The following COL18A1 variants were observed in gnomAD, a reference collection of about 807,000 sequenced individuals.
The protein encoded by COL18A1 is collagen type XVIII alpha 1 chain.
In COL18A1, 133 loss-of-function variants were observed where a neutral mutation model predicts 168.0. That is an observed-to-expected ratio of 0.79 (90% CI 0.69 to 0.91). The LOEUF is 0.91. Ranked by LOEUF, COL18A1 falls within the 40% of genes least tolerant of loss-of-function variation. The pLI, the probability that COL18A1 is intolerant of heterozygous loss-of-function variation, is 0.00. For synonymous variants in COL18A1, 949 were observed against 809.0 expected (o/e 1.17, Z -2.94); for missense variants, 2,126 against 1,925.4 (o/e 1.10, Z -1.95).
chr21:45,439,683 G>C (rs538467216), intron 2 of COL18A1, among the ~76,000 whole-genome samples: 1 of 152,354 alleles, frequency 6.6e-6, no homozygotes, highest in Admixed American at 6.5e-5. Context: ...TTCAGAGCGT[G>C]TTTTGCCCGG....
chr21:45,493,681 C>G, intron 26 of COL18A1, 106 bp downstream of exon 26: 1 of 854,818 alleles, frequency 1.2e-6, no homozygotes, highest in Non-Finnish European at 1.9e-6. Flanking sequence ...GCACGAGCCT[C>G]TCCCAAGCAG....
intron 24 of COL18A1, 87 bp from the exon 25 acceptor site, chr21:45,493,076 G>A: frequency 1.5e-6 from 2 of 1,344,100 alleles, no homozygotes; most frequent in Non-Finnish European, 2.1e-6. Context: ...CATATTGCGG[G>A]GGGCAGCTGT....
chr21:45,510,507 CCT>C (rs1333174400), intron 40 of COL18A1, among the ~76,000 whole-genome samples: 8 of 152,154 alleles, frequency 5.3e-5, no homozygotes, highest in East Asian at 1.9e-4. Flanking sequence ...CCCGTGGCCC[CCT>C]GACCCCCCGC....
In COL18A1 at chr21:45,505,956, G is replaced by A. The variant is rs532685502; in HGVS notation, c.3206G>A (p.Arg1069Gln). Residue 1069 changes from arginine to glutamine, a missense_variant, in exon 37 of 42, where the codon CGG becomes CAG. Transcript: ENST00000651438. ...ELYVRVQNGF[R>Q]KVQLEARTPL... ...TACGTCCGCGTGCAGAACGGGTTCCGGAAGGTCCAGGTGAGCGCTCTGTGT... is the reference window on the plus strand; with the variant it reads ...TACGTCCGCGTGCAGAACGGGTTCCAGAAGGTCCAGGTGAGCGCTCTGTGT... The A allele has an allele frequency of 6.2e-5, 100 of 1,613,138 alleles. No individual in the cohort carries two copies. The highest frequency in any genetic ancestry group is 3.3e-4 in the African/African-American group (25 of 75,052).
At position 45,423,641 on chromosome 21, in the gene COL18A1, TTGAG is replaced by T. The variant is rs1569280070; in HGVS notation, c.106+18172_106+18175del. ...TGCGGAACCAAGGGGCTCATGGCCA[TTGAG>T]TGACTCCAGTTAATGCTGAATTAGG... On this transcript the variant is annotated intron_variant, in intron 2 of 41. Coordinates refer to ENST00000651438, the MANE Select transcript of COL18A1 (RefSeq NM_001379500.1). This position sits in a 1 kb window ranked among gnomAD's most constrained non-coding sequence, Gnocchi z 4.0. 1 of 151,174 alleles carries T rather than the reference TTGAG, an allele frequency of 6.6e-6. No homozygotes were observed. Among genetic ancestry groups the T allele is most frequent in the Non-Finnish European group, 1.5e-5 (1 of 67,836 alleles). 9.4% of individuals were successfully genotyped at this position (151,174 alleles called of 1,614,324 possible). A position where few individuals can be genotyped will look rare whatever the true frequency, so the allele number is the denominator to read the frequency against.
intron 2 of COL18A1, among the ~76,000 whole-genome samples, chr21:45,419,269 G>T (rs959668821): frequency 1.4e-4 from 21 of 151,912 alleles, no homozygotes; most frequent in African/African-American, 4.8e-4. Flanking sequence ...GCAGTTCCGT[G>T]TAGTGACGTG....
chr21:45,455,632 T>A (rs2034773285), intron 2 of COL18A1: 2 of 1,613,964 alleles, frequency 1.2e-6, no homozygotes, highest in African/African-American at 2.7e-5. Flanking sequence ...TTTGGTTCAA[T>A]AATGAGGACA....
chr21:45,511,526 T>C (rs1440709358), intron 41 of COL18A1, among the ~76,000 whole-genome samples: 1 of 152,026 alleles, frequency 6.6e-6, no homozygotes, highest in Admixed American at 6.5e-5. Context: ...TGGTCAGCCA[T>C]GTAAGCAGCG....
chr21:45,507,473 G>A, intron 37 of COL18A1, 88 bp from the exon 38 acceptor site: 3 of 415,818 alleles, frequency 7.2e-6, no homozygotes, highest in Admixed American at 5.7e-5. Flanking sequence ...GCCAGGTGCT[G>A]GGGCGGGAGA....
chr21:45,488,877 A>G (rs2036203991), intron 18 of COL18A1, among the ~76,000 whole-genome samples: 1 of 151,858 alleles, frequency 6.6e-6, no homozygotes, highest in Non-Finnish European at 1.5e-5. Flanking sequence ...CCTGGGGGAC[A>G]CTAGCCCCCA....
chr21:45,511,292 C>T (rs1330749264), intron 41 of COL18A1, 66 bp downstream of exon 41: 4 of 833,442 alleles, frequency 4.8e-6, no homozygotes, highest in South Asian at 2.9e-5. Flanking sequence ...CGGGCGGGCT[C>T]CTATCTGCAG....
At chr21:45,495,629 C>T (rs1401093137) in intron 29 of COL18A1, 197 bp downstream of exon 29, 1 of 598,150 alleles carries the variant, frequency 1.7e-6, no homozygotes, top group African/African-American at 1.8e-5. Context: ...CCCAAACATG[C>T]ATGCACATAT....
intron 14 of COL18A1, 32 bp from the exon 15 acceptor site, chr21:45,482,763 A>G (rs1393765838): frequency 1.2e-5 from 19 of 1,614,046 alleles, no homozygotes; most frequent in Non-Finnish European, 1.5e-5. Flanking sequence ...TGCAAGTCTG[A>G]TTTTGTCATA....
chr21:45,497,562 C>A, intron 31 of COL18A1, 37 bp from the exon 32 acceptor site: 1 of 1,551,552 alleles, frequency 6.4e-7, no homozygotes, highest in Non-Finnish European at 8.7e-7. Flanking sequence ...TCCTCCCTGG[C>A]ACATTCCTGA....
At chr21:45,444,361 T>C (rs1197679837) in intron 2 of COL18A1, among the ~76,000 whole-genome samples, 1 of 149,254 alleles carries the variant, frequency 6.7e-6, no homozygotes, top group African/African-American at 2.5e-5. Flanking sequence ...AGGGGTGTAG[T>C]GAGGTGTGGG....
intron 29 of COL18A1, chr21:45,495,643 G>T (rs562646548): frequency 5.2e-6 from 3 of 573,474 alleles, no homozygotes; most frequent in East Asian, 3.1e-5. Context: ...CACATATATG[G>T]CCGTACTCAT....
intron 2 of COL18A1, among the ~76,000 whole-genome samples, chr21:45,445,639 C>G (rs2034487959): frequency 6.6e-6 from 1 of 152,186 alleles, no homozygotes; most frequent in African/African-American, 2.4e-5. Flanking sequence ...CTTTTTGTTT[C>G]CAGCCCATGT....
At chr21:45,503,803 T>A (rs1387199114) in intron 32 of COL18A1, 3 of 317,624 alleles carry the variant, frequency 9.4e-6, no homozygotes, top group Non-Finnish European at 1.7e-5. Flanking sequence ...TTTAAAAAAT[T>A]TAAAAATAAA....
rs866916378 is a variant in COL18A1, at chr21:45,463,258, T to A, written c.107-4984T>A. On this transcript the variant is annotated intron_variant, in intron 2 of 41. Coordinates refer to ENST00000651438, the MANE Select transcript of COL18A1 (RefSeq NM_001379500.1). The surrounding 1 kb of genome is among the most constrained non-coding windows in gnomAD (Gnocchi z 4.0). Reference sequence around the variant, plus strand: ...CTGATCAGAGCACAGGTTCTCGATGTCTGCAGGACAGGGTCCTTTTTGCCG... The same window carrying A: ...CTGATCAGAGCACAGGTTCTCGATGACTGCAGGACAGGGTCCTTTTTGCCG... Among the ~76,000 whole-genome samples the A allele has an allele frequency of 5.9e-5, 9 of 152,212 alleles. No homozygotes were observed. In the South Asian group the frequency reaches 1.9e-3, roughly 32 times the overall value.
Sources: allele counts gnomAD v4.1 joint callset (sites outside exome capture counted in the v4.1 genomes callset), GRCh38; gene constraint gnomAD v4.1.1; non-coding constraint Gnocchi (gnomAD v3.1); transcripts MANE v1.5; gene names NCBI Gene and HGNC (gene_info 2026-07-23, HGNC 2026-07-21).